Variants in LRP1 observed in about 807,000 individuals in gnomAD.
The protein encoded by LRP1 is LDL receptor related protein 1, also known as prolow-density lipoprotein receptor-related protein 1.
In LRP1, 51 loss-of-function variants were observed where a neutral mutation model predicts 541.5. That is an observed-to-expected ratio of 0.09 (90% CI 0.08 to 0.12). LRP1 has a LOEUF of 0.12. Ranked by LOEUF, LRP1 falls within the 10% of genes least tolerant of loss-of-function variation. LRP1 has a pLI of 1.00. For missense variants in LRP1, 3,878 were observed against 6,376.2 expected (o/e 0.61, Z 13.34); for synonymous variants, 2,219 against 2,470.8 (o/e 0.90, Z 3.02).
Position 57,178,957 on chromosome 12 carries a change from C to T in LRP1, c.4674C>T (p.Asn1558=). The T allele has an allele frequency of 6.2e-7, 1 of 1,614,112 alleles. No homozygotes were observed. The highest frequency in any genetic ancestry group is 1.1e-5 in the South Asian group (1 of 91,080). ...CCCACCTGTGTCTCATCAACTACAA[C>T]CGGACCGTGTCCTGCGCCTGCCCCC... ...PCSHLCLINY[N]RTVSCACPHL... is the part of the protein sequence containing the mutation. Residue 1558 remains asparagine, a synonymous_variant, in exon 28 of 89, where the codon AAC becomes AAT. Coordinates refer to ENST00000243077, the MANE Select transcript of LRP1 (RefSeq NM_002332.3). This position sits in a 1 kb window ranked among gnomAD's most constrained non-coding sequence, Gnocchi z 5.8.
At position 57,194,509 on chromosome 12, in the gene LRP1, CG is replaced by C. The variant is rs1407087818; in HGVS notation, c.8068+11del. 4 of 1,607,974 alleles carry C rather than the reference CG, an allele frequency of 2.5e-6. No homozygotes were observed. The highest frequency in any genetic ancestry group is 2.5e-6 in the Non-Finnish European group (3 of 1,177,726). ...TGATGAGCGCGACTGCCCAGGTGGG[CG>C]GGGGCAGGTGTGTGGTGGGTGGTGG... On this transcript the variant is annotated splice_region_variant and intron_variant, in intron 49 of 88. Transcript: ENST00000243077.
In LRP1 at chr12:57,204,326, C is replaced by T. The variant is rs933725994; in HGVS notation, c.10952-84C>T. On this transcript the variant is annotated intron_variant, in intron 70 of 88. Transcript: ENST00000243077. This position sits in a 1 kb window ranked among gnomAD's most constrained non-coding sequence, Gnocchi z 5.3. Reference sequence around the variant, plus strand: ...TGCCACTGCTTGCCTGGTGACCCCTCTGAGCCTGGAACCCCCACCTGTGGA... The same window carrying T: ...TGCCACTGCTTGCCTGGTGACCCCTTTGAGCCTGGAACCCCCACCTGTGGA... 11 of 1,434,522 alleles carry T rather than the reference C, an allele frequency of 7.7e-6. No homozygotes were observed. In the Admixed American group the frequency reaches 2.2e-4, roughly 28 times the overall value. 88.9% of individuals were successfully genotyped at this position (1,434,522 alleles called of 1,614,324 possible). A position where few individuals can be genotyped will look rare whatever the true frequency, so the allele number is the denominator to read the frequency against.
At chr12:57,161,184 G>A in intron 13 of LRP1, 69 bp downstream of exon 13, 1 of 1,480,704 alleles carries the variant, frequency 6.8e-7, no homozygotes, top group Admixed American at 1.7e-5. Flanking sequence ...CGTGGATGAG[G>A]TTCTGTGTGA....
Position 57,196,965 on chromosome 12 carries a change from G to C in LRP1, c.8893-17G>C, listed in dbSNP as rs183121807. 2 of 1,600,394 alleles carry C rather than the reference G, an allele frequency of 1.2e-6. No individual in the cohort carries two copies. The highest frequency in any genetic ancestry group is 1.3e-5 in the African/African-American group (1 of 74,786). ...GACCCTGCCACATGCCCAGCCCAAGGCTCCCTGTGCCTGCAGTGCCGCTGT... is the reference window on the plus strand; with the variant it reads ...GACCCTGCCACATGCCCAGCCCAAGCCTCCCTGTGCCTGCAGTGCCGCTGT... On this transcript the variant is annotated splice_polypyrimidine_tract_variant and intron_variant, in intron 55 of 88. Transcript: ENST00000243077.
At chr12:57,207,925 A>G (rs2036820294) in intron 76 of LRP1, 113 bp from the exon 77 acceptor site, 5 of 1,192,130 alleles carry the variant, frequency 4.2e-6, no homozygotes, top group Non-Finnish European at 1.2e-6. Context: ...CTTTAAAGCC[A>G]GGGTCCTGGC....
Position 57,210,847 on chromosome 12 carries a change from T to C in LRP1, c.12884T>C (p.Leu4295Pro), listed in dbSNP as rs867685724. ...NQGNQPQCRCLPGFLGDRCQY... is the reference protein window; with the variant it reads ...NQGNQPQCRCPPGFLGDRCQY... The stretch of plus-strand genomic sequence containing the variant: ...GGCAACCAGCCCCAGTGCCGATGCC[T>C]ACCCGGCTTCCTGGGCGACCGCTGC... The change falls in exon 83 of 89, where the codon CTA becomes CCA. Residue 4295 changes from leucine to proline, a missense_variant. By Grantham distance (98) the Leu-to-Pro change is moderately conservative. Transcript: ENST00000243077. 6.2e-7 allele frequency: 1 copy of C among 1,612,728 alleles called. No individual in the cohort carries two copies. The highest frequency in any genetic ancestry group is 8.5e-7 in the Non-Finnish European group (1 of 1,179,478).
chr12:57,131,643 C>T (rs2035041592), intron 1 of LRP1, among the ~76,000 whole-genome samples: 1 of 152,152 alleles, frequency 6.6e-6, no homozygotes, highest in Admixed American at 6.5e-5. Flanking sequence ...CCCTTTGCCT[C>T]GTTGTCTTTT....
chr12:57,175,977 G>A lies in LRP1; in HGVS notation c.3862G>A (p.Asp1288Asn). 1.2e-6 allele frequency: 2 copies of A among 1,614,242 alleles called. No individual in the cohort carries two copies. Among genetic ancestry groups the A allele is most frequent in the Non-Finnish European group, 1.7e-6 (2 of 1,180,046 alleles). ...EIRRIDLHKGDYSVLVPGLRN... is the reference protein window; with the variant it reads ...EIRRIDLHKGNYSVLVPGLRN... ...CCGGCGCATCGATCTTCACAAAGGA[G>A]ACTACAGCGTCCTGGTGCCCGGCCT... The change falls in exon 24 of 89, where the codon GAC becomes AAC. Residue 1288 changes from aspartate (D) to asparagine (N), a missense_variant. Physicochemically the swap from Asp to Asn is conservative, Grantham distance 23 (BLOSUM62 1). Around this residue, in one of 13 missense-constraint regions of LRP1, gnomAD observed 320 missense variants for 547.9 expected, o/e 0.58. Transcript: ENST00000243077.
intron 60 of LRP1, 127 bp downstream of exon 60, chr12:57,198,797 CA>C: frequency 3.2e-6 from 3 of 945,682 alleles, no homozygotes; most frequent in South Asian, 1.6e-5. Flanking sequence ...CTGAGGACAC[CA>C]CTCACTGGGG....
At position 57,176,061 on chromosome 12, in the gene LRP1, G is replaced by A. The variant is rs1454910346; in HGVS notation, c.3946G>A (p.Val1316Met). ...LSQSALYWTDVVEDKIYRGKL... is the reference protein window; with the variant it reads ...LSQSALYWTDMVEDKIYRGKL... The stretch of plus-strand genomic sequence containing the variant: ...CCAGAGCGCCCTCTACTGGACCGAC[G>A]TGGTGGAGGACAAGATCTACCGCGG... Residue 1316 changes from valine (V) to methionine (M), a missense_variant, in exon 24 of 89, where the codon GTG becomes ATG. By Grantham distance (21) the Val-to-Met change is conservative. Around this residue, in one of 13 missense-constraint regions of LRP1, gnomAD observed 320 missense variants for 547.9 expected, o/e 0.58. Coordinates refer to ENST00000243077, the MANE Select transcript of LRP1 (RefSeq NM_002332.3). The A allele has an allele frequency of 6.2e-7, 1 of 1,614,192 alleles. No homozygotes were observed.
Position 57,209,197 on chromosome 12 carries a change from G to C in LRP1, c.12260G>C (p.Arg4087Pro). 6.2e-7 allele frequency: 1 copy of C among 1,613,100 alleles called. No homozygotes were observed. The part of the protein sequence containing the change: ...TDPIVAADSK[R>P]GLSHPFSIDV... Reference sequence around the variant, plus strand: ...CCCATTGTGGCTGCTGACAGCAAACGAGGTCAGAGCCCGGCATAAGTCGCA... The same window carrying C: ...CCCATTGTGGCTGCTGACAGCAAACCAGGTCAGAGCCCGGCATAAGTCGCA... Residue 4087 changes from arginine (R) to proline (P), a missense_variant and splice_region_variant, in exon 79 of 89, where the codon CGA becomes CCA. Transcript: ENST00000243077.
Position 57,210,840 on chromosome 12 carries a change from C to T in LRP1, c.12877C>T (p.Arg4293Ter). Residue 4293 changes from arginine to a stop codon, truncating the protein, a stop_gained, in exon 83 of 89, where the codon CGA becomes TGA. Transcript: ENST00000243077. LOFTEE classifies it high-confidence loss of function. ...TVNQGNQPQC[R>*]CLPGFLGDRC... ...CAACCAGGGCAACCAGCCCCAGTGC[C>T]GATGCCTACCCGGCTTCCTGGGCGA... 6.2e-7 allele frequency: 1 copy of T among 1,613,112 alleles called. No individual in the cohort carries two copies.
intron 42 of LRP1, among the ~76,000 whole-genome samples, 197 bp downstream of exon 42, chr12:57,187,653 A>G (rs1411809817): frequency 6.6e-6 from 1 of 152,190 alleles, no homozygotes; most frequent in South Asian, 2.1e-4. Context: ...CAAGCTGGCT[A>G]AGATTCCAGC....
intron 2 of LRP1, among the ~76,000 whole-genome samples, chr12:57,140,862 A>G (rs956501489): frequency 6.6e-6 from 1 of 151,966 alleles, no homozygotes; most frequent in African/African-American, 2.4e-5. Flanking sequence ...CCTCCCGAGT[A>G]GCTGGGACTA....
Position 57,189,362 on chromosome 12 carries a change from A to G in LRP1, c.7032-1443A>G, listed in dbSNP as rs1358690716. 5.9e-5 allele frequency among the ~76,000 whole-genome samples: 9 copies of G among 152,134 alleles called. No individual in the cohort carries two copies. Among genetic ancestry groups the G allele is most frequent in the African/African-American group, 2.2e-4 (9 of 41,428 alleles). Reference sequence around the variant, plus strand: ...GAAGATGACTGGCCACTGCCCCAGGATACCCATTTTCCCTTATGGAGGCTA... The same window carrying G: ...GAAGATGACTGGCCACTGCCCCAGGGTACCCATTTTCCCTTATGGAGGCTA... On this transcript the variant is annotated intron_variant, in intron 42 of 88. Transcript: ENST00000243077. This position sits in a 1 kb window ranked among gnomAD's most constrained non-coding sequence, Gnocchi z 4.4.
At chr12:57,198,799 C>G (rs2036588475) in intron 60 of LRP1, 129 bp downstream of exon 60, 9 of 932,328 alleles carry the variant, frequency 9.7e-6, no homozygotes, top group Non-Finnish European at 1.3e-5. Flanking sequence ...GAGGACACCA[C>G]TCACTGGGGT....
At chr12:57,143,819 G>A in intron 4 of LRP1, 21 bp downstream of exon 4, 1 of 1,600,744 alleles carries the variant, frequency 6.2e-7, no homozygotes, top group Non-Finnish European at 8.5e-7. Context: ...GCATGTGCCT[G>A]TGTGCATGTG....
In LRP1 at chr12:57,208,136, G is replaced by T. The variant is rs200607506; in HGVS notation, c.11958G>T (p.Gln3986His). 29 of 1,614,222 alleles carry T rather than the reference G, an allele frequency of 1.8e-5. No homozygotes were observed. In the Admixed American group the frequency reaches 2.2e-4, roughly 12 times the overall value. ...GCCGAGATGTGATTGAGGTGGCGCA[G>T]ATGAAGGGCGAGAACCGCAAGACGC... ...DSGRDVIEVA[Q>H]MKGENRKTLI... is the part of the protein sequence containing the mutation. Residue 3986 changes from glutamine (Q) to histidine (H), a missense_variant, in exon 77 of 89, where the codon CAG (glutamine) becomes CAT (histidine). Coordinates refer to ENST00000243077, the MANE Select transcript of LRP1 (RefSeq NM_002332.3).
Position 57,179,606 on chromosome 12 carries a change from G to T in LRP1, c.4966+50G>T. 5 of 1,540,846 alleles carry T rather than the reference G, an allele frequency of 3.2e-6. No homozygotes were observed. The highest frequency in any genetic ancestry group is 4.5e-6 in the Non-Finnish European group (5 of 1,117,952). ...CCAGTGGACATGGGCACCTCCACCCGCCCCTTGCTCCCAACCCTGGTCTAC... is the reference window on the plus strand; with the variant it reads ...CCAGTGGACATGGGCACCTCCACCCTCCCCTTGCTCCCAACCCTGGTCTAC... On this transcript the variant is annotated intron_variant, in intron 29 of 88. Transcript: ENST00000243077. This position sits in a 1 kb window ranked among gnomAD's most constrained non-coding sequence, Gnocchi z 6.8.
Sources: gnomAD v4.1 joint callset for allele counts (sites outside exome capture counted in the v4.1 genomes callset) on GRCh38, gnomAD v4.1.1 for gene constraint, gnomAD v4.1.1 regional missense constraint, Gnocchi (gnomAD v3.1) non-coding constraint, MANE v1.5 for transcripts, NCBI Gene and HGNC (gene_info 2026-07-23, HGNC 2026-07-21) for gene names.